MGST1: variants seen among roughly 807,000 people sequenced by gnomAD.
The protein encoded by MGST1 is glutathione S-transferase 12.
Under a neutral mutation model 8.9 loss-of-function variants are expected in MGST1, and 5 were observed. The observed-to-expected ratio is 0.56, with a 90% confidence interval of 0.29 to 1.19. The LOEUF (loss-of-function observed/expected upper bound fraction) is 1.19. Among genes scored for constraint, MGST1 ranks in the 50% most tolerant of loss-of-function variants. MGST1 has a pLI of 0.08. For missense variants in MGST1, 182 were observed against 187.4 expected (o/e 0.97, Z 0.17); for synonymous variants, 54 against 67.8 (o/e 0.80, Z 1.00).
At chr12:16,409,270 A>G (rs201374307) in intron 1 of MGST1, among the ~76,000 whole-genome samples, 65 of 151,954 alleles carry the variant, frequency 4.3e-4, no homozygotes, top group Non-Finnish European at 8.5e-4. Context: ...TAATGTGTGT[A>G]TGTGTGTGTT....
downstream of MGST1, among the ~76,000 whole-genome samples, chr12:16,378,323 A>C (rs796918332): frequency 4.7e-5 from 7 of 150,318 alleles, no homozygotes; most frequent in South Asian, 2.1e-4. Flanking sequence ...TAATTTTTGT[A>C]TAAGGTGTAA....
intron 3 of MGST1, chr12:16,376,059 T>TGGGTG: frequency 8.7e-7 from 1 of 1,144,948 alleles, no homozygotes; most frequent in Non-Finnish European, 1.2e-6. Flanking sequence ...ATTTTATGTG[T>TGGGTG]TCACGTGTGT....
At chr12:16,417,241 A>C (rs1457069298) in intron 1 of MGST1, among the ~76,000 whole-genome samples, 1 of 152,144 alleles carries the variant, frequency 6.6e-6, no homozygotes, top group East Asian at 1.9e-4. Flanking sequence ...ATCCTTTTTC[A>C]CATGGTGGCA....
At position 16,401,197 on chromosome 12, in the gene MGST1, A is replaced by G. The variant is rs562626976; in HGVS notation, n.778+17593A>G. On this transcript the variant is annotated intron_variant and non_coding_transcript_variant, in intron 1 of 1. Transcript: ENST00000359720. This position sits in a 1 kb window ranked among gnomAD's most constrained non-coding sequence, Gnocchi z 4.3. ...AACAGTAGCTGGGCCATCCTCATCC[A>G]TAAGCACTGTGTCACTAAGGAACAG... 19 of 1,558,140 alleles carry G rather than the reference A, an allele frequency of 1.2e-5. No individual in the cohort carries two copies. In the Admixed American group the frequency reaches 1.8e-4, roughly 15 times the overall value.
chr12:16,478,943 C>T (rs183593565), intron 4 of MGST1, among the ~76,000 whole-genome samples: 33 of 152,166 alleles, frequency 2.2e-4, no homozygotes, highest in African/African-American at 3.1e-4. Flanking sequence ...AAACATATCA[C>T]TAAACAGTTT....
At chr12:16,426,176 T>C (rs189898339) in intron 1 of MGST1, among the ~76,000 whole-genome samples, 5 of 152,308 alleles carry the variant, frequency 3.3e-5, no homozygotes, top group Non-Finnish European at 1.5e-5. Flanking sequence ...TGACACTATG[T>C]GTTTGCTTTA....
chr12:16,446,336 A>G (rs913091170), intron 4 of MGST1, among the ~76,000 whole-genome samples: 5 of 151,944 alleles, frequency 3.3e-5, no homozygotes, highest in African/African-American at 1.2e-4. Flanking sequence ...CTTGGGACAT[A>G]GTCATCTTTT....
chr12:16,546,831 C>A lies in MGST1; in HGVS notation n.483-42697C>A, dbSNP rs575587550. 3.2e-4 allele frequency among the ~76,000 whole-genome samples: 49 copies of A among 151,968 alleles called. No individual in the cohort carries two copies. In the South Asian group the frequency reaches 9.6e-3, roughly 30 times the overall value. On this transcript the variant is annotated intron_variant and non_coding_transcript_variant, in intron 4 of 4. Transcript: ENST00000538857. This position sits in a 1 kb window ranked among gnomAD's most constrained non-coding sequence, Gnocchi z 4.7. ...ACTGCTGTCATTATCCACAAACCCA[C>A]CCCAACCAAGCCTGCCAAAAGCAAA...
chr12:16,348,117 T>C (rs1939283339), intron 1 of MGST1, among the ~76,000 whole-genome samples: 1 of 152,230 alleles, frequency 6.6e-6, no homozygotes, highest in Non-Finnish European at 1.5e-5. Context: ...AAGCCTGCGA[T>C]GTCTCAGGTT....
At chr12:16,376,410 C>A in exon 4 of MGST1, 1 of 296,450 alleles carries the variant, frequency 3.4e-6, no homozygotes, top group Non-Finnish European at 6.2e-6. Context: ...CTCCACGAAT[C>A]TCTAATTTTG....
intron 4 of MGST1, among the ~76,000 whole-genome samples, chr12:16,581,759 C>A (rs2137542360): frequency 6.6e-6 from 1 of 152,036 alleles, no homozygotes; most frequent in South Asian, 2.1e-4. Flanking sequence ...AAAAAGATTT[C>A]TTCATATGAA....
rs1406816422 is a variant in MGST1 at position 16,361,171 on chromosome 12, C to T, written c.222-2624C>T. Among the ~76,000 whole-genome samples the T allele has an allele frequency of 6.6e-6, 1 of 152,174 alleles. No homozygotes were observed. Among genetic ancestry groups the T allele is most frequent in the Non-Finnish European group, 1.5e-5 (1 of 68,032 alleles). The stretch of plus-strand genomic sequence containing the variant: ...CCTTTGTGAGAATGTGAACACATGG[C>T]TGGCTATGTGCTGAGGGTGAAGAGC... On this transcript the variant is annotated intron_variant, in intron 3 of 3. Transcript: ENST00000396210. The surrounding 1 kb of genome is among the most constrained non-coding windows in gnomAD (Gnocchi z 4.2).
At chr12:16,486,701 G>A (rs1378353407) in intron 4 of MGST1, among the ~76,000 whole-genome samples, 1 of 152,200 alleles carries the variant, frequency 6.6e-6, no homozygotes, top group Non-Finnish European at 1.5e-5. Context: ...AAACTGGCCA[G>A]AGCCTAGTGC....
chr12:16,351,655 C>G (rs1014878711), intron 1 of MGST1, among the ~76,000 whole-genome samples: 1 of 151,838 alleles, frequency 6.6e-6, no homozygotes, highest in Non-Finnish European at 1.5e-5. Flanking sequence ...ACTAAAAATA[C>G]AAAAATTAGC....
chr12:16,416,717 C>T (rs1591721627), intron 1 of MGST1, among the ~76,000 whole-genome samples: 1 of 152,156 alleles, frequency 6.6e-6, no homozygotes, highest in Admixed American at 6.6e-5. Flanking sequence ...AACATGTAAT[C>T]CATAACACAG....
intron 3 of MGST1, among the ~76,000 whole-genome samples, chr12:16,371,641 A>G (rs1396535956): frequency 6.6e-6 from 1 of 152,112 alleles, no homozygotes; most frequent in East Asian, 1.9e-4. Flanking sequence ...CCCCTGAATA[A>G]AAATTCCATT....
chr12:16,458,320 T>C lies in MGST1; in HGVS notation n.482+74716T>C, dbSNP rs548255244. Among the ~76,000 whole-genome samples, 6 of 152,152 alleles carry C rather than the reference T, an allele frequency of 3.9e-5. No individual in the cohort carries two copies. The South Asian group carries it at 1.2e-3, about 32-fold the overall frequency. The stretch of plus-strand genomic sequence containing the variant: ...AGCAGATTGCTTATGCTGATCGCAA[T>C]GATTTGAAGTTGTGATTACCATAAG... On this transcript the variant is annotated intron_variant and non_coding_transcript_variant, in intron 4 of 4. Transcript: ENST00000538857. The surrounding 1 kb of genome is among the most constrained non-coding windows in gnomAD (Gnocchi z 4.0).
intron 4 of MGST1, among the ~76,000 whole-genome samples, chr12:16,446,460 AT>A (rs760851216): frequency 2.6e-5 from 4 of 151,504 alleles, no homozygotes. Flanking sequence ...TCATTCCTGC[AT>A]TTTTTTTGGT....
chr12:16,515,463 C>A (rs540573492), intron 4 of MGST1, among the ~76,000 whole-genome samples: 2 of 151,914 alleles, frequency 1.3e-5, no homozygotes, highest in Admixed American at 6.6e-5. Context: ...TTGGTTAAAC[C>A]CCGTCTCTAC....
Sources: gnomAD v4.1 joint callset for allele counts (sites outside exome capture counted in the v4.1 genomes callset) on GRCh38, gnomAD v4.1.1 for gene constraint, Gnocchi (gnomAD v3.1) non-coding constraint, MANE v1.5 for transcripts, NCBI Gene and HGNC (gene_info 2026-07-23, HGNC 2026-07-21) for gene names.